The following RASSF5 variants were observed in gnomAD, a reference collection of about 807,000 sequenced individuals.
RASSF5 encodes the protein ras association domain-containing protein 5.
In RASSF5, 25 loss-of-function variants were observed where a neutral mutation model predicts 40.5. The ratio of observed to expected loss-of-function variants is 0.62; its 90% confidence interval spans 0.45 to 0.86. The LOEUF (loss-of-function observed/expected upper bound fraction) is 0.86. RASSF5 is among the 40% of genes least tolerant of loss of function. The pLI is 0.00. For missense variants in RASSF5, 521 were observed against 572.8 expected (o/e 0.91, Z 0.92); for synonymous variants, 246 against 252.4 (o/e 0.97, Z 0.24).
chr1:206,575,862 G>A (rs1668621111), intron 2 of RASSF5, among the ~76,000 whole-genome samples: 1 of 152,204 alleles, frequency 6.6e-6, no homozygotes, highest in Non-Finnish European at 1.5e-5. Context: ...CACGGCTAAC[G>A]CCAAAGTCCA....
chr1:206,538,776 G>T lies in RASSF5; in HGVS notation c.579+483G>T, dbSNP rs557749248. Reference sequence around the variant, plus strand: ...AGCTTTTGGTTCTGGGTTTTGTAAAGACACTTGAACTGTGATGTATCTGAA... The same window carrying T: ...AGCTTTTGGTTCTGGGTTTTGTAAATACACTTGAACTGTGATGTATCTGAA... On this transcript the variant is annotated intron_variant, in intron 2 of 5. Transcript: ENST00000579436. Among the ~76,000 whole-genome samples, 4 of 152,360 alleles carry T rather than the reference G, an allele frequency of 2.6e-5. No homozygotes were observed. The East Asian group carries it at 7.7e-4, about 29-fold the overall frequency.
At chr1:206,529,180 CT>C in intron 1 of RASSF5, 4 of 1,477,508 alleles carry the variant, frequency 2.7e-6, no homozygotes, top group Non-Finnish European at 2.7e-6. Context: ...CGCCAAACAG[CT>C]ACTCAGCTGC....
intron 2 of RASSF5, among the ~76,000 whole-genome samples, chr1:206,545,577 A>C (rs1667662671): frequency 6.6e-6 from 1 of 151,968 alleles, no homozygotes; most frequent in Non-Finnish European, 1.5e-5. Flanking sequence ...CCCTGGCCTC[A>C]AGCGATCCTC....
intron 2 of RASSF5, among the ~76,000 whole-genome samples, chr1:206,581,841 C>T (rs575791979): frequency 5.4e-4 from 82 of 152,054 alleles, no homozygotes; most frequent in African/African-American, 2.0e-3. Context: ...TCCCACATGG[C>T]TTGCTGAAGG....
intron 2 of RASSF5, among the ~76,000 whole-genome samples, chr1:206,569,780 G>A (rs1457139751): frequency 3.9e-5 from 6 of 152,166 alleles, no homozygotes; most frequent in Admixed American, 6.5e-5. Flanking sequence ...AGGCATGCCC[G>A]CTACGACTGC....
rs546298221 is a variant in RASSF5, at chr1:206,507,940, C to T, written c.338C>T (p.Pro113Leu). 2 of 1,524,542 alleles carry T rather than the reference C, an allele frequency of 1.3e-6. No individual in the cohort carries two copies. The highest frequency in any genetic ancestry group is 2.6e-5 in the East Asian group (1 of 38,102). 94.4% of individuals were successfully genotyped at this position (1,524,542 alleles called of 1,614,324 possible). Reference protein sequence around the residue: ...VRSIFEQPQDPRVPAERGEGH... With the variant: ...VRSIFEQPQDLRVPAERGEGH... Reference sequence around the variant, plus strand: ...AGCATCTTCGAGCAGCCGCAGGATCCCAGAGTCCCGGCGGAGCGAGGCGAG... The same window carrying T: ...AGCATCTTCGAGCAGCCGCAGGATCTCAGAGTCCCGGCGGAGCGAGGCGAG... Residue 113 changes from proline (P) to leucine (L), a missense_variant, in exon 1 of 6, where the codon CCC becomes CTC. This residue lies in a region of RASSF5 where 237 missense variants were observed against 212.0 expected (regional missense o/e 1.12). Transcript: ENST00000579436.
intron 1 of RASSF5, among the ~76,000 whole-genome samples, chr1:206,530,720 A>G (rs996834123): frequency 2.7e-4 from 41 of 152,356 alleles, no homozygotes; most frequent in African/African-American, 9.6e-4. Flanking sequence ...CTTCTCTGCC[A>G]AGTGGGGCAG....
intron 1 of RASSF5, among the ~76,000 whole-genome samples, chr1:206,517,872 C>T (rs1465484711): frequency 6.6e-6 from 1 of 152,162 alleles, no homozygotes; most frequent in Admixed American, 6.5e-5. Flanking sequence ...AACACCACCT[C>T]CTTATGGGCC....
rs1156400782 is a variant in RASSF5 at position 206,552,090 on chromosome 1, C to T, written c.579+13797C>T. Among the ~76,000 whole-genome samples, 30 of 152,324 alleles carry T rather than the reference C, an allele frequency of 2.0e-4. No individual in the cohort carries two copies. The highest frequency in any genetic ancestry group is 1.6e-3 in the Admixed American group (25 of 15,306). ...CAGTAGGTTCAGTGTCAAGGCCTAT[C>T]GAAGCTGTTAGCCTGGCAGCCAATC... On this transcript the variant is annotated intron_variant, in intron 2 of 5. Transcript: ENST00000579436. The surrounding 1 kb of genome is among the most constrained non-coding windows in gnomAD (Gnocchi z 4.1).
chr1:206,546,579 T>C (rs1328074798), intron 2 of RASSF5, among the ~76,000 whole-genome samples: 2 of 152,206 alleles, frequency 1.3e-5, no homozygotes, highest in African/African-American at 4.8e-5. Context: ...TGTCTTAGCA[T>C]TTACAGTATA....
chr1:206,522,803 G>C (rs1046636005), intron 1 of RASSF5, among the ~76,000 whole-genome samples: 1 of 151,896 alleles, frequency 6.6e-6, no homozygotes, highest in Non-Finnish European at 1.5e-5. Flanking sequence ...AGCATCATCA[G>C]GAAACATAAT....
At position 206,586,960 on chromosome 1, in the gene RASSF5, C is replaced by T. The variant is rs1247757106; in HGVS notation, c.1239C>T (p.Ser413=). 1.9e-6 allele frequency: 3 copies of T among 1,614,036 alleles called. No homozygotes were observed. The highest frequency in any genetic ancestry group is 2.5e-6 in the Non-Finnish European group (3 of 1,180,004). The part of the protein sequence containing the change: ...RQKLEEALRE[S]QGKPG ...AACTGGAGGAGGCCTTAAGAGAATC[C>T]CAGGGCAAACCTGGGTAACCGGTCC... The change falls in exon 6 of 6, where the codon TCC becomes TCT. Residue 413 remains serine, a synonymous_variant. Coordinates refer to ENST00000579436, the MANE Select transcript of RASSF5 (RefSeq NM_182663.4).
At chr1:206,518,393 C>G in intron 1 of RASSF5, 1 of 398,694 alleles carries the variant, frequency 2.5e-6, no homozygotes, top group Non-Finnish European at 4.4e-6. Flanking sequence ...CTGAGATGAC[C>G]GAGGGCCAGG....
At chr1:206,557,183 G>T in intron 2 of RASSF5, 1 of 1,028,496 alleles carries the variant, frequency 9.7e-7, no homozygotes, top group South Asian at 3.8e-5. Flanking sequence ...TTACGCGAGG[G>T]GCAGGAAAGG....
At chr1:206,574,921 G>A (rs777294429) in intron 2 of RASSF5, among the ~76,000 whole-genome samples, 2 of 146,730 alleles carry the variant, frequency 1.4e-5, no homozygotes, top group East Asian at 2.1e-4. Context: ...GTGCAGTGGC[G>A]CAATCTTGGC....
chr1:206,534,912 T>C (rs1283243384), intron 1 of RASSF5, among the ~76,000 whole-genome samples: 3 of 152,130 alleles, frequency 2.0e-5, no homozygotes, highest in Non-Finnish European at 2.9e-5. Context: ...AGAGTTTCAC[T>C]TTTCCCTCCC....
Position 206,552,318 on chromosome 1 carries a change from T to C in RASSF5, c.579+14025T>C, listed in dbSNP as rs1667862447. On this transcript the variant is annotated intron_variant, in intron 2 of 5. Coordinates refer to ENST00000579436, the MANE Select transcript of RASSF5 (RefSeq NM_182663.4). This position sits in a 1 kb window ranked among gnomAD's most constrained non-coding sequence, Gnocchi z 4.1. Reference sequence around the variant, plus strand: ...GATTCAACCCAGATAGGACATCTGGTTAAGGATGCTTCTCAGAGTCAGATG... The same window carrying C: ...GATTCAACCCAGATAGGACATCTGGCTAAGGATGCTTCTCAGAGTCAGATG... Among the ~76,000 whole-genome samples, 1 of 152,076 alleles carries C rather than the reference T, an allele frequency of 6.6e-6. No individual in the cohort carries two copies. Among genetic ancestry groups the C allele is most frequent in the Non-Finnish European group, 1.5e-5 (1 of 68,008 alleles).
At chr1:206,562,765 T>C (rs1553402853) in intron 2 of RASSF5, among the ~76,000 whole-genome samples, 1 of 152,104 alleles carries the variant, frequency 6.6e-6, no homozygotes, top group Non-Finnish European at 1.5e-5. Flanking sequence ...ACCCCATCTC[T>C]ACTGAAAAAT....
In RASSF5 at chr1:206,584,291, G is replaced by A; in HGVS notation, c.691-96G>A. The A allele has an allele frequency of 8.2e-7, 1 of 1,221,864 alleles. No homozygotes were observed. The highest frequency in any genetic ancestry group is 1.1e-6 in the Non-Finnish European group (1 of 878,750). 75.7% of individuals were successfully genotyped at this position (1,221,864 alleles called of 1,614,324 possible). A position where few individuals can be genotyped will look rare whatever the true frequency, so the allele number is the denominator to read the frequency against. The stretch of plus-strand genomic sequence containing the variant: ...GCAGAGGCAGGAAAGAACTCAAGGA[G>A]ACAGGTGGGTGCTGCTGGGGCAATG... On this transcript the variant is annotated intron_variant, in intron 3 of 5. Transcript: ENST00000579436. The surrounding 1 kb of genome is among the most constrained non-coding windows in gnomAD (Gnocchi z 4.9).
Sources: allele counts gnomAD v4.1 joint callset (sites outside exome capture counted in the v4.1 genomes callset), GRCh38; gene constraint gnomAD v4.1.1; regional missense constraint gnomAD v4.1.1; non-coding constraint Gnocchi (gnomAD v3.1); transcripts MANE v1.5; gene names NCBI Gene and HGNC (gene_info 2026-07-23, HGNC 2026-07-21).